FRMPD4: variants seen among roughly 807,000 people sequenced by gnomAD.
FRMPD4 encodes the protein FERM and PDZ domain containing 4.
Under a neutral mutation model 94.1 loss-of-function variants are expected in FRMPD4, and 22 were observed. The observed-to-expected ratio is 0.23, with a 90% CI of 0.17 to 0.33. The LOEUF is 0.33. FRMPD4 is among the 10% of genes least tolerant of loss of function. The pLI is 1.00. For missense variants in FRMPD4, 1,111 were observed against 1,339.9 expected, an observed-to-expected ratio of 0.83 and a Z score of 2.67; for synonymous variants, 631 against 548.6, an observed-to-expected ratio of 1.15 and a Z score of -2.10.
At chrX:12,069,111 A>G (rs2054945094) in intron 3 of FRMPD4, among the ~76,000 whole-genome samples, 1 of 111,889 alleles carries the variant, frequency 8.9e-6, no homozygotes, top group African/African-American at 3.3e-5. Context: ...TGGAACTGGA[A>G]GAAAATGAGG....
intron 3 of FRMPD4, among the ~76,000 whole-genome samples, chrX:11,895,132 C>A (rs1236291411): frequency 4.5e-5 from 5 of 111,954 alleles, no homozygotes; most frequent in African/African-American, 9.7e-5. Context: ...TACAGCAGAG[C>A]AGTTTCTTAA....
At chrX:12,465,494 A>G (rs2057439891) in intron 1 of FRMPD4, among the ~76,000 whole-genome samples, 1 of 111,568 alleles carries the variant, frequency 9.0e-6, no homozygotes, top group East Asian at 2.8e-4. Flanking sequence ...AGTCCAAAAC[A>G]GAGCCTTTCC....
At chrX:11,969,292 T>A (rs933512625) in intron 3 of FRMPD4, among the ~76,000 whole-genome samples, 1 of 112,268 alleles carries the variant, frequency 8.9e-6, no homozygotes, top group Non-Finnish European at 1.9e-5. Context: ...ATCTCTAGTA[T>A]AGCCCCTACC....
rs373088481 is a variant in FRMPD4, at chrX:12,086,077, GCGTGTGTGTGTA to G, written c.95+208060_95+208071del. 6.7e-3 allele frequency among the ~76,000 whole-genome samples: 336 copies of G among 50,017 alleles called. 4 individuals are homozygous for G. The highest frequency in any genetic ancestry group is 0.015 in the African/African-American group (259 of 16,887). 43.4% of individuals were successfully genotyped at this position (50,017 alleles called of 115,157 possible). Reference sequence around the variant, plus strand: ...TTTGCATATCTGCCTGTGTCTGTGTGCGTGTGTGTGTATGTGTGTGTGTGTGTGTGTGTGTGA... The same window carrying G: ...TTTGCATATCTGCCTGTGTCTGTGTGTGTGTGTGTGTGTGTGTGTGTGTGA... On this transcript the variant is annotated intron_variant, in intron 3 of 18. Transcript: ENST00000640291.
intron 1 of FRMPD4, among the ~76,000 whole-genome samples, chrX:12,196,105 G>A (rs2056564761): frequency 8.9e-6 from 1 of 112,096 alleles, no homozygotes; most frequent in African/African-American, 3.2e-5. Context: ...ATTTTGGCAT[G>A]CTATCCACAA....
intron 3 of FRMPD4, among the ~76,000 whole-genome samples, chrX:12,055,877 G>A (rs193001213): frequency 3.6e-5 from 4 of 111,563 alleles, no homozygotes; most frequent in Non-Finnish European, 7.5e-5. Context: ...TTAGAAATGA[G>A]ACACTTAAAA....
At chrX:12,294,072 C>T (rs191292829) in intron 1 of FRMPD4, among the ~76,000 whole-genome samples, 1 of 111,356 alleles carries the variant, frequency 9.0e-6, no homozygotes, top group Admixed American at 9.5e-5. Flanking sequence ...CCCTCACTTT[C>T]TTCTTCCCTT....
At chrX:11,910,371 T>C (rs894432298) in intron 3 of FRMPD4, among the ~76,000 whole-genome samples, 2 of 112,396 alleles carry the variant, frequency 1.8e-5, no homozygotes, top group African/African-American at 6.5e-5. Context: ...TGAAACATTA[T>C]ATAAACACGA....
At chrX:12,420,905 A>C (rs1470493181) in intron 1 of FRMPD4, among the ~76,000 whole-genome samples, 1 of 112,308 alleles carries the variant, frequency 8.9e-6, no homozygotes, top group Non-Finnish European at 1.9e-5. Context: ...TCGAATGAGG[A>C]AATTCGTATT....
chrX:12,508,139 T>C (rs1267188337), intron 2 of FRMPD4, among the ~76,000 whole-genome samples: 4 of 112,672 alleles, frequency 3.6e-5, no homozygotes, highest in African/African-American at 1.3e-4. Context: ...TTATTATCAT[T>C]GTGGAATTTT....
At chrX:12,624,954 T>A (rs929691807) in intron 4 of FRMPD4, among the ~76,000 whole-genome samples, 1 of 110,590 alleles carries the variant, frequency 9.0e-6, no homozygotes, top group Non-Finnish European at 1.9e-5. Flanking sequence ...AAAAGAATAA[T>A]CCAATTAAAA....
chrX:12,287,581 G>T (rs932646461), intron 1 of FRMPD4, among the ~76,000 whole-genome samples: 3 of 111,623 alleles, frequency 2.7e-5, no homozygotes, highest in African/African-American at 9.8e-5. Flanking sequence ...ATCAGGTTTG[G>T]AATCTAGGCT....
chrX:12,562,378 T>G (rs1248219906), intron 2 of FRMPD4, among the ~76,000 whole-genome samples: 2 of 112,366 alleles, frequency 1.8e-5, no homozygotes, highest in Non-Finnish European at 3.8e-5. Flanking sequence ...TTACCTATAT[T>G]GTAGCTTTTT....
chrX:12,480,960 C>T (rs752707376), intron 1 of FRMPD4, among the ~76,000 whole-genome samples: 2 of 111,761 alleles, frequency 1.8e-5, no homozygotes, highest in Non-Finnish European at 3.8e-5. Context: ...CTACCAGAAG[C>T]ATCTTGAGAT....
intron 1 of FRMPD4, among the ~76,000 whole-genome samples, chrX:12,435,343 T>C (rs189346514): frequency 5.6e-4 from 63 of 111,942 alleles, no homozygotes; most frequent in African/African-American, 1.9e-3. Flanking sequence ...TAGCACAATA[T>C]TGAATATCTA....
intron 3 of FRMPD4, among the ~76,000 whole-genome samples, chrX:11,900,871 C>T (rs777206347): frequency 1.1e-4 from 12 of 110,839 alleles, no homozygotes; most frequent in Non-Finnish European, 2.3e-4. Context: ...GACTTGCCAC[C>T]CCCTCCTCTT....
chrX:12,101,070 C>T (rs1388221601), intron 3 of FRMPD4, among the ~76,000 whole-genome samples: 2 of 112,175 alleles, frequency 1.8e-5, no homozygotes, highest in Non-Finnish European at 3.8e-5. Context: ...ATGTGTGACT[C>T]TTTGTATGGT....
intron 4 of FRMPD4, among the ~76,000 whole-genome samples, chrX:12,664,111 A>G (rs1163749979): frequency 2.7e-5 from 3 of 112,087 alleles, no homozygotes; most frequent in African/African-American, 9.7e-5. Context: ...GGCTGAGACA[A>G]TGGAGTTTTC....
chrX:12,659,683 T>G (rs758506429), intron 4 of FRMPD4, among the ~76,000 whole-genome samples: 1 of 112,812 alleles, frequency 8.9e-6, no homozygotes, highest in Non-Finnish European at 1.9e-5. Flanking sequence ...AAATATTTGC[T>G]GAAGGAATGA....
Sources: allele counts gnomAD v4.1 joint callset (sites outside exome capture counted in the v4.1 genomes callset), GRCh38; gene constraint gnomAD v4.1.1; transcripts MANE v1.5; gene names NCBI Gene and HGNC (gene_info 2026-07-23, HGNC 2026-07-21).